GAREM1: variants seen among roughly 807,000 people sequenced by gnomAD.
The protein encoded by GAREM1 is GRB2 associated regulator of MAPK1 subtype 1, also known as GRB2-associated and regulator of MAPK protein 1.
GAREM1 carries 26 observed loss-of-function variants against 71.3 expected under a neutral mutation model. The observed-to-expected ratio is 0.36, with a 90% CI of 0.27 to 0.51. The LOEUF is 0.51. Ranked by LOEUF, GAREM1 falls within the 20% of genes least tolerant of loss-of-function variation. The pLI is 0.95. For missense variants in GAREM1, 1,026 were observed against 1,103.1 expected, an observed-to-expected ratio of 0.93 and a Z score of 0.99; for synonymous variants, 440 against 433.2, an observed-to-expected ratio of 1.02 and a Z score of -0.20.
rs150920448 is a variant in GAREM1, at chr18:32,386,905, A to G, written c.262+5990T>C. On this transcript the variant is annotated intron_variant, in intron 2 of 5. Coordinates refer to ENST00000269209, the MANE Select transcript of GAREM1 (RefSeq NM_001242409.2). ...AAGTTAGATCTCTGAGAATCTGAAC[A>G]ACATTTTTCTACAGTAGATCTCCAT... 1.3e-3 allele frequency among the ~76,000 whole-genome samples: 196 copies of G among 152,324 alleles called. 1 individual carries two copies. The highest frequency in any genetic ancestry group is 4.5e-3 in the African/African-American group (186 of 41,568).
At chr18:32,278,092 T>C (rs1292529937) in intron 4 of GAREM1, among the ~76,000 whole-genome samples, 2 of 152,224 alleles carry the variant, frequency 1.3e-5, no homozygotes, top group Non-Finnish European at 2.9e-5. Context: ...GAAACAGAAC[T>C]TTCACATGCA....
chr18:32,312,226 G>A (rs1180924556), intron 2 of GAREM1, among the ~76,000 whole-genome samples: 1 of 152,336 alleles, frequency 6.6e-6, no homozygotes, highest in East Asian at 1.9e-4. Context: ...GATGTTATTT[G>A]AAGCCATGAC....
At chr18:32,321,792 T>C (rs576785352) in intron 2 of GAREM1, among the ~76,000 whole-genome samples, 1 of 152,326 alleles carries the variant, frequency 6.6e-6, no homozygotes, top group South Asian at 2.1e-4. Context: ...ACAGCATCTC[T>C]CACTTTGGCC....
At chr18:32,374,099 C>T (rs2048011465) in intron 2 of GAREM1, among the ~76,000 whole-genome samples, 1 of 152,124 alleles carries the variant, frequency 6.6e-6, no homozygotes, top group East Asian at 1.9e-4. Context: ...GACCATGAAC[C>T]CAGCATTCAC....
chr18:32,347,648 C>T (rs927327813), intron 2 of GAREM1, among the ~76,000 whole-genome samples: 1 of 152,178 alleles, frequency 6.6e-6, no homozygotes, highest in Non-Finnish European at 1.5e-5. Flanking sequence ...TTAAGATGCA[C>T]ACAACAACTT....
In GAREM1 at chr18:32,267,337, G is replaced by T. The variant is rs935808322; in HGVS notation, c.*534C>A. 4.6e-5 allele frequency: 7 copies of T among 152,012 alleles called. No individual in the cohort carries two copies. The highest frequency in any genetic ancestry group is 1.7e-4 in the African/African-American group (7 of 41,356). The allele number at this position is 152,012 out of a possible 1,614,324, so 9.4% of individuals were successfully genotyped here. On this transcript the variant is annotated 3_prime_UTR_variant, in exon 6 of 6. Coordinates refer to ENST00000269209, the MANE Select transcript of GAREM1 (RefSeq NM_001242409.2). ...CTTGGAAAATGCCTTGTGATAAAAA[G>T]ATCCCCACCAAGCATACAACATTAA...
At chr18:32,269,021 A>G (rs1184076001) in intron 5 of GAREM1, among the ~76,000 whole-genome samples, 13 of 152,216 alleles carry the variant, frequency 8.5e-5, no homozygotes, top group Admixed American at 8.5e-4. Context: ...GTAAGAAAAT[A>G]ATTGTTAATA....
chr18:32,370,773 C>T (rs2047970485), intron 2 of GAREM1, among the ~76,000 whole-genome samples: 1 of 151,638 alleles, frequency 6.6e-6, no homozygotes, highest in South Asian at 2.1e-4. Context: ...ATATATACAG[C>T]CTATTGGCGA....
intron 1 of GAREM1, among the ~76,000 whole-genome samples, chr18:32,468,681 C>G (rs1281998209): frequency 6.6e-6 from 1 of 152,124 alleles, no homozygotes; most frequent in African/African-American, 2.4e-5. Flanking sequence ...ATATTCCACC[C>G]CTTTAAACTT....
At chr18:32,435,770 A>G (rs1301128828) in intron 1 of GAREM1, among the ~76,000 whole-genome samples, 1 of 152,216 alleles carries the variant, frequency 6.6e-6, no homozygotes, top group Non-Finnish European at 1.5e-5. Context: ...AATTTCACAC[A>G]TGGAATCTGG....
At chr18:32,382,884 C>A (rs887598087) in intron 2 of GAREM1, among the ~76,000 whole-genome samples, 1 of 151,866 alleles carries the variant, frequency 6.6e-6, no homozygotes, top group South Asian at 2.1e-4. Flanking sequence ...ACGAGGGGAC[C>A]AGTTTTATTA....
chr18:32,307,210 T>C (rs2047264638), intron 3 of GAREM1, among the ~76,000 whole-genome samples: 1 of 152,220 alleles, frequency 6.6e-6, no homozygotes, highest in African/African-American at 2.4e-5. Flanking sequence ...TATGTATATT[T>C]ATTTCTAATA....
chr18:32,317,981 T>G (rs772129138), intron 2 of GAREM1, among the ~76,000 whole-genome samples: 2 of 152,172 alleles, frequency 1.3e-5, no homozygotes, highest in African/African-American at 4.8e-5. Flanking sequence ...ATAAAAACAT[T>G]TGGAGATTGT....
chr18:32,330,846 G>A (rs1167901905), intron 2 of GAREM1, among the ~76,000 whole-genome samples: 1 of 152,116 alleles, frequency 6.6e-6, no homozygotes, highest in Non-Finnish European at 1.5e-5. Flanking sequence ...AAGGGAAGGA[G>A]GAAAGAAGGG....
chr18:32,438,747 A>C (rs1319877706), intron 1 of GAREM1, among the ~76,000 whole-genome samples: 1 of 152,180 alleles, frequency 6.6e-6, no homozygotes, highest in Non-Finnish European at 1.5e-5. Context: ...ATCTATAATA[A>C]CATTACCTTC....
intron 1 of GAREM1, among the ~76,000 whole-genome samples, chr18:32,436,035 T>C (rs1464298436): frequency 1.3e-5 from 2 of 152,108 alleles, no homozygotes; most frequent in South Asian, 2.1e-4. Context: ...CTGAGAGTAA[T>C]TTTCCTCTGA....
At chr18:32,362,989 G>A (rs528833928) in intron 2 of GAREM1, among the ~76,000 whole-genome samples, 3 of 152,118 alleles carry the variant, frequency 2.0e-5, no homozygotes, top group East Asian at 3.9e-4. Flanking sequence ...CTTTATATCC[G>A]AATTCATTCA....
At chr18:32,335,622 AT>A (rs1567968917) in intron 2 of GAREM1, among the ~76,000 whole-genome samples, 3 of 152,192 alleles carry the variant, frequency 2.0e-5, no homozygotes. Flanking sequence ...CCCACTGCAG[AT>A]TTAATGAGTT....
chr18:32,332,912 G>T (rs189210100), intron 2 of GAREM1, among the ~76,000 whole-genome samples: 40 of 152,144 alleles, frequency 2.6e-4, no homozygotes, highest in Middle Eastern at 3.4e-3. Context: ...CCAATATAGT[G>T]GCCTAGGACA....
Sources: gnomAD v4.1 joint callset for allele counts (sites outside exome capture counted in the v4.1 genomes callset) on GRCh38, gnomAD v4.1.1 for gene constraint, MANE v1.5 for transcripts, NCBI Gene and HGNC (gene_info 2026-07-23, HGNC 2026-07-21) for gene names.